SLC41A1: variants seen among roughly 807,000 people sequenced by gnomAD.
The protein encoded by SLC41A1 is solute carrier family 41 member 1.
Under a neutral mutation model 47.3 loss-of-function variants are expected in SLC41A1, and 20 were observed. That is an observed-to-expected ratio of 0.42 (90% CI 0.30 to 0.61). SLC41A1 has a LOEUF of 0.61. Ranked by LOEUF, SLC41A1 falls within the 20% of genes least tolerant of loss-of-function variation. The pLI is 0.17. For missense variants in SLC41A1, 504 were observed against 674.1 expected (o/e 0.75, Z 2.79); for synonymous variants, 282 against 272.7 (o/e 1.03, Z -0.34).
At chr1:205,812,554 C>T (rs1171778483) in intron 1 of SLC41A1, among the ~76,000 whole-genome samples, 2 of 152,236 alleles carry the variant, frequency 1.3e-5, no homozygotes, top group Admixed American at 6.5e-5. Flanking sequence ...CTCACCACTC[C>T]CCCTGTAAAG....
chr1:205,800,782 C>T (rs900059094), intron 3 of SLC41A1, among the ~76,000 whole-genome samples, 171 bp downstream of exon 3: 4 of 152,158 alleles, frequency 2.6e-5, no homozygotes, highest in South Asian at 2.1e-4. Context: ...AGGAGCAGGA[C>T]ACCCAGCCTG....
At chr1:205,804,185 T>C (rs1386838726) in intron 2 of SLC41A1, among the ~76,000 whole-genome samples, 1 of 152,160 alleles carries the variant, frequency 6.6e-6, no homozygotes, top group Non-Finnish European at 1.5e-5. Context: ...GGGGTGGGGC[T>C]AGGGCTTGAG....
At position 205,789,209 on chromosome 1, in the gene SLC41A1, T is replaced by G. The variant is rs1264851269; in HGVS notation, c.*2324A>C. 2 of 152,276 alleles carry G rather than the reference T, an allele frequency of 1.3e-5. No individual in the cohort carries two copies. Among genetic ancestry groups the G allele is most frequent in the African/African-American group, 4.8e-5 (2 of 41,476 alleles). 9.4% of individuals were successfully genotyped at this position (152,276 alleles called of 1,614,324 possible). On this transcript the variant is annotated 3_prime_UTR_variant, in exon 11 of 11. Transcript: ENST00000367137. ...CTTAAGACACAGTTCTGTAACTTTT[T>G]AAGGATACGAGAGTAAACCAATATT...
At chr1:205,797,123 G>A in intron 7 of SLC41A1, 120 bp from the exon 8 acceptor site, 2 of 874,080 alleles carry the variant, frequency 2.3e-6, no homozygotes, top group South Asian at 2.8e-5. Context: ...ATGGCTCTCA[G>A]GAGTTCCTCA....
rs11808790 is a variant in SLC41A1 at position 205,806,228 on chromosome 1, G to A, written c.372+3842C>T. Among the ~76,000 whole-genome samples the A allele has an allele frequency of 3.1e-3, 479 of 152,344 alleles. 1 individual carries two copies. The highest frequency in any genetic ancestry group is 0.011 in the African/African-American group (452 of 41,580). On this transcript the variant is annotated intron_variant, in intron 2 of 10. Transcript: ENST00000367137. ...CAGGCAGGGGACAGAGATGGGAAAA[G>A]CAGAAGGGGTGGTCAAGTGAAGCAG...
chr1:205,796,828 C>T (rs1360197465), intron 8 of SLC41A1, 96 bp downstream of exon 8: 2 of 1,237,724 alleles, frequency 1.6e-6, no homozygotes, highest in Non-Finnish European at 1.2e-6. Flanking sequence ...TCTGCTGGAA[C>T]CCTGACTGAT....
chr1:205,796,811 A>T, intron 8 of SLC41A1, 113 bp downstream of exon 8: 2 of 1,050,080 alleles, frequency 1.9e-6, no homozygotes, highest in Middle Eastern at 2.6e-4. Flanking sequence ...TCTGAGCTAG[A>T]TTCTCGTCTG....
Position 205,810,377 on chromosome 1 carries a change from G to A in SLC41A1, c.65C>T (p.Pro22Leu). Residue 22 changes from proline to leucine, a missense_variant, in exon 2 of 11, where the codon CCC becomes CTC. Coordinates refer to ENST00000367137, the MANE Select transcript of SLC41A1 (RefSeq NM_173854.6). The surrounding 1 kb of genome is among the most constrained non-coding windows in gnomAD (Gnocchi z 5.5). ...TCTCCCTGGGCCATCTGAAGAGCAG[G>A]GAGAGGCAGAAGGGCCAGTCCCGTT... is the stretch of plus-strand genomic sequence containing the variant. ...QLNGTGPSAS[P>L]CSSDGPGREP... 6.2e-7 allele frequency: 1 copy of A among 1,614,220 alleles called. No individual in the cohort carries two copies. The highest frequency in any genetic ancestry group is 8.5e-7 in the Non-Finnish European group (1 of 1,180,046).
chr1:205,808,922 C>T (rs546196139), intron 2 of SLC41A1, among the ~76,000 whole-genome samples: 1 of 152,324 alleles, frequency 6.6e-6, no homozygotes, highest in Admixed American at 6.5e-5. Flanking sequence ...TGAGACCTAC[C>T]AGCAGAACTC....
chr1:205,797,808 A>G lies in SLC41A1; in HGVS notation c.992+96T>C, dbSNP rs952838160. The G allele has an allele frequency of 6.1e-6, 9 of 1,469,526 alleles. No individual in the cohort carries two copies. In the African/African-American group the frequency reaches 1.3e-4, roughly 20 times the overall value. 91.0% of individuals were successfully genotyped at this position (1,469,526 alleles called of 1,614,324 possible). ...CTGAAACACTAATGAACACATTTCTAGGGTCTGACCCCCACCCCATCTCTC... is the reference window on the plus strand; with the variant it reads ...CTGAAACACTAATGAACACATTTCTGGGGTCTGACCCCCACCCCATCTCTC... On this transcript the variant is annotated intron_variant, in intron 7 of 10. Transcript: ENST00000367137.
chr1:205,798,037 T>C lies in SLC41A1; in HGVS notation c.859A>G (p.Ile287Val), dbSNP rs1316440309. 3.1e-6 allele frequency: 5 copies of C among 1,613,980 alleles called. No homozygotes were observed. In the Admixed American group the frequency reaches 5.0e-5, roughly 16 times the overall value. The change falls in exon 7 of 11, where the codon ATC becomes GTC. Residue 287 changes from isoleucine (I) to valine (V), a missense_variant. Transcript: ENST00000367137. ...LYLELNHWRY[I>V]YPLVCAFFVA... The stretch of plus-strand genomic sequence containing the variant: ...AAGAAAGCACACACCAGTGGGTAGA[T>C]GTATCGCCAGTGATCTGAGAGGGCA...
intron 2 of SLC41A1, among the ~76,000 whole-genome samples, chr1:205,808,386 C>A (rs550283566): frequency 2.6e-5 from 4 of 152,304 alleles, no homozygotes; most frequent in Admixed American, 2.6e-4. Flanking sequence ...AGTTCCCTAC[C>A]TACAAAATGG....
chr1:205,808,391 A>G (rs367776374), intron 2 of SLC41A1, among the ~76,000 whole-genome samples: 62 of 152,244 alleles, frequency 4.1e-4, no homozygotes, highest in African/African-American at 1.4e-3. Context: ...CCTACCTACA[A>G]AATGGAGATG....
Position 205,812,841 on chromosome 1 carries a change from G to C in SLC41A1, c.-680C>G, listed in dbSNP as rs1437079987. 4 of 985,364 alleles carry C rather than the reference G, an allele frequency of 4.1e-6. No individual in the cohort carries two copies. In the African/African-American group the frequency reaches 7.0e-5, roughly 17 times the overall value. The allele number at this position is 985,364 out of a possible 1,614,324, so 61.0% of individuals were successfully genotyped here. On this transcript the variant is annotated 5_prime_UTR_variant, in exon 1 of 11. Transcript: ENST00000367137. Reference sequence around the variant, plus strand: ...CGCCTGGGAGGAAGGGGGGCGCCTGGCAAGTGGCAGCGTGGCCCGTGGTCT... The same window carrying C: ...CGCCTGGGAGGAAGGGGGGCGCCTGCCAAGTGGCAGCGTGGCCCGTGGTCT...
At chr1:205,795,753 G>A (rs1308635015) in intron 8 of SLC41A1, 1 of 536,530 alleles carries the variant, frequency 1.9e-6, no homozygotes, top group Non-Finnish European at 3.4e-6. Context: ...GCAAAGCTGT[G>A]ACAGTGCCGG....
At position 205,791,267 on chromosome 1, in the gene SLC41A1, T is replaced by C. The variant is rs572119544; in HGVS notation, c.*266A>G. On this transcript the variant is annotated 3_prime_UTR_variant, in exon 11 of 11. Coordinates refer to ENST00000367137, the MANE Select transcript of SLC41A1 (RefSeq NM_173854.6). This position sits in a 1 kb window ranked among gnomAD's most constrained non-coding sequence, Gnocchi z 4.0. ...CTCCCCTGCTCCAGTCCACATCACC[T>C]GGAGGCACCCACCATGAAACTGCAC... 9.0e-5 allele frequency: 43 copies of C among 476,720 alleles called. No homozygotes were observed. Among genetic ancestry groups the C allele is most frequent in the Non-Finnish European group, 1.6e-4 (41 of 260,930 alleles). The allele number at this position is 476,720 out of a possible 1,614,324, so 29.5% of individuals were successfully genotyped here.
Position 205,813,093 on chromosome 1 carries a change from GA to G in SLC41A1, c.-933del. 2 of 985,558 alleles carry G rather than the reference GA, an allele frequency of 2.0e-6. No individual in the cohort carries two copies. The highest frequency in any genetic ancestry group is 2.4e-6 in the Non-Finnish European group (2 of 830,018). 61.1% of individuals were successfully genotyped at this position (985,558 alleles called of 1,614,324 possible). On this transcript the variant is annotated 5_prime_UTR_variant, in exon 1 of 11. Transcript: ENST00000367137. ...TTCGGGCCCGGCGGGGGGGCACCCG[GA>G]CGGGGGACCGGGGAGCCGAGCTCAC... is the stretch of plus-strand genomic sequence containing the variant.
chr1:205,801,228 T>C lies in SLC41A1; in HGVS notation c.373-168A>G, dbSNP rs1571645283. The stretch of plus-strand genomic sequence containing the variant: ...CCTTGGAACCAAACCAAGCCCATGA[T>C]TCTTCAAACAACACAACCCCCCTTC... On this transcript the variant is annotated intron_variant, in intron 2 of 10. Coordinates refer to ENST00000367137, the MANE Select transcript of SLC41A1 (RefSeq NM_173854.6). 4.8e-6 allele frequency: 3 copies of C among 620,922 alleles called. No homozygotes were observed. In the East Asian group the frequency reaches 8.7e-5, roughly 18 times the overall value. 38.5% of individuals were successfully genotyped at this position (620,922 alleles called of 1,614,324 possible). A position where few individuals can be genotyped will look rare whatever the true frequency, so the allele number is the denominator to read the frequency against.
At chr1:205,812,306 G>A (rs1303219626) in intron 1 of SLC41A1, among the ~76,000 whole-genome samples, 1 of 152,194 alleles carries the variant, frequency 6.6e-6, no homozygotes, top group African/African-American at 2.4e-5. Context: ...CAGGAGAACT[G>A]TTTCCTCTAT....
Sources: gnomAD v4.1 joint callset for allele counts (sites outside exome capture counted in the v4.1 genomes callset) on GRCh38, gnomAD v4.1.1 for gene constraint, Gnocchi (gnomAD v3.1) non-coding constraint, MANE v1.5 for transcripts, NCBI Gene and HGNC (gene_info 2026-07-23, HGNC 2026-07-21) for gene names.